The following SDK1 variants were observed in gnomAD, a reference collection of about 807,000 sequenced individuals.
The protein encoded by SDK1 is sidekick cell adhesion molecule 1, also known as protein sidekick-1.
Under a neutral mutation model 245.5 loss-of-function variants are expected in SDK1, and 157 were observed. The ratio of observed to expected loss-of-function variants is 0.64; its 90% CI spans 0.56 to 0.73. The LOEUF (loss-of-function observed/expected upper bound fraction) is 0.73. SDK1 is among the 30% of genes least tolerant of loss of function. The pLI is 0.00. For missense variants in SDK1, 3,583 were observed against 3,002.3 expected, an observed-to-expected ratio of 1.19 and a Z score of -4.52; for synonymous variants, 1,647 against 1,278.5, an observed-to-expected ratio of 1.29 and a Z score of -6.15.
intron 5 of SDK1, among the ~76,000 whole-genome samples, chr7:3,887,409 T>C (rs1781362331): frequency 6.6e-6 from 1 of 152,202 alleles, no homozygotes; most frequent in Non-Finnish European, 1.5e-5. Flanking sequence ...CCGTGGAGTA[T>C]TAGTGAACAT....
intron 35 of SDK1, among the ~76,000 whole-genome samples, chr7:4,185,154 G>A (rs1436467373): frequency 6.6e-6 from 1 of 152,228 alleles, no homozygotes; most frequent in Non-Finnish European, 1.5e-5. Flanking sequence ...ACAGTCAGAA[G>A]AAGGGGACTC....
In SDK1 at chr7:3,541,410, C is replaced by G. The variant is rs547663191; in HGVS notation, c.299-77670C>G. Reference sequence around the variant, plus strand: ...GCTGGTCATTGGGTGGACTTCCATGCCTCTATGCCTTTCTCATGTGTGTTT... The same window carrying G: ...GCTGGTCATTGGGTGGACTTCCATGGCTCTATGCCTTTCTCATGTGTGTTT... On this transcript the variant is annotated intron_variant, in intron 1 of 44. Transcript: ENST00000404826. Among the ~76,000 whole-genome samples, 8 of 152,286 alleles carry G rather than the reference C, an allele frequency of 5.3e-5. No individual in the cohort carries two copies. In the South Asian group the frequency reaches 1.7e-3, roughly 32 times the overall value.
At chr7:3,325,071 A>T (rs933368069) in intron 1 of SDK1, among the ~76,000 whole-genome samples, 1 of 151,862 alleles carries the variant, frequency 6.6e-6, no homozygotes, top group Non-Finnish European at 1.5e-5. Flanking sequence ...AAAGCATCCT[A>T]GGTTCCTTGG....
At chr7:3,321,657 A>C (rs900458815) in intron 1 of SDK1, among the ~76,000 whole-genome samples, 1 of 151,732 alleles carries the variant, frequency 6.6e-6, no homozygotes, top group African/African-American at 2.4e-5. Flanking sequence ...ATTTAATGCA[A>C]TGAATGTGGG....
intron 1 of SDK1, among the ~76,000 whole-genome samples, chr7:3,582,705 A>AAAAAAAAAAAAAAAAAAAAAAAG (rs1780547562): frequency 6.7e-6 from 1 of 148,816 alleles, no homozygotes; most frequent in African/African-American, 2.5e-5. Flanking sequence ...AAAAAAAAAA[A>AAAAAAAAAAAAAAAAAAAAAAAG]AAAAGGTACC....
chr7:3,608,835 C>G (rs1781502221), intron 1 of SDK1, among the ~76,000 whole-genome samples: 1 of 152,196 alleles, frequency 6.6e-6, no homozygotes, highest in Non-Finnish European at 1.5e-5. Flanking sequence ...TTTAGTTTTA[C>G]TAAAGTATTA....
chr7:3,666,240 C>T (rs1363436734), intron 4 of SDK1, among the ~76,000 whole-genome samples: 4 of 152,124 alleles, frequency 2.6e-5, no homozygotes, highest in African/African-American at 7.2e-5. Context: ...GGCCTTGTGC[C>T]GCCTGCATCT....
chr7:4,100,592 G>A (rs555859669), intron 22 of SDK1, among the ~76,000 whole-genome samples: 35 of 152,266 alleles, frequency 2.3e-4, no homozygotes, highest in Admixed American at 7.2e-4. Context: ...CTTCCACCAC[G>A]TGAGGACACA....
chr7:3,340,145 A>G (rs1780308048), intron 1 of SDK1, among the ~76,000 whole-genome samples: 1 of 152,028 alleles, frequency 6.6e-6, no homozygotes, highest in Non-Finnish European at 1.5e-5. Context: ...CTCAAAAACT[A>G]AAACTTAATA....
In SDK1 at chr7:4,146,008, C is replaced by G. The variant is rs142351437; in HGVS notation, c.4423+92C>G. 600 of 1,129,454 alleles carry G rather than the reference C, an allele frequency of 5.3e-4. 1 individual carries two copies. The African/African-American group carries it at 8.4e-3, about 16-fold the overall frequency. 70.0% of individuals were successfully genotyped at this position (1,129,454 alleles called of 1,614,324 possible). On this transcript the variant is annotated intron_variant, in intron 29 of 44. Coordinates refer to ENST00000404826, the MANE Select transcript of SDK1 (RefSeq NM_152744.4). ...TGGGGTCTGCGGGGTACCTGGGAGG[C>G]TTCGGCCTTCCCTTCGGAGAAAGAG...
intron 4 of SDK1, among the ~76,000 whole-genome samples, chr7:3,665,508 C>G (rs1783497049): frequency 6.6e-6 from 1 of 152,158 alleles, no homozygotes; most frequent in Admixed American, 6.5e-5. Flanking sequence ...CATAGCACAC[C>G]ACACATATTG....
intron 1 of SDK1, among the ~76,000 whole-genome samples, chr7:3,312,834 TG>T (rs201163516): frequency 0.013 from 2,005 of 152,260 alleles, 26 homozygotes; most frequent in Non-Finnish European, 0.02. Flanking sequence ...ATAGAATGGC[TG>T]AGAAGTTTTC....
intron 5 of SDK1, among the ~76,000 whole-genome samples, chr7:3,924,139 G>T (rs1471249169): frequency 1.3e-5 from 2 of 151,908 alleles, no homozygotes; most frequent in African/African-American, 4.8e-5. Context: ...AGAGTAAAGG[G>T]GACGCTGTTG....
chr7:3,848,555 C>T (rs557114897), intron 5 of SDK1, among the ~76,000 whole-genome samples: 2 of 152,288 alleles, frequency 1.3e-5, no homozygotes, highest in African/African-American at 2.4e-5. Flanking sequence ...GAAGTTGATT[C>T]CCTTAAAACT....
intron 41 of SDK1, 98 bp from the exon 42 acceptor site, chr7:4,237,549 T>G (rs1376677348): frequency 2.1e-6 from 3 of 1,403,666 alleles, no homozygotes; most frequent in Admixed American, 1.8e-5. Context: ...CTGGGAGTTA[T>G]CTACCCCAGC....
In SDK1 at chr7:3,360,950, A is replaced by G. The variant is rs138226907; in HGVS notation, c.298+59066A>G. Among the ~76,000 whole-genome samples the G allele has an allele frequency of 5.7e-3, 867 of 152,362 alleles. 10 individuals are homozygous for G. The highest frequency in any genetic ancestry group is 0.02 in the African/African-American group (823 of 41,568). ...GATGGGTTATTCAACACGTTTGAAT[A>G]GTAAGGCCTCCAATTGCCATTTATA... On this transcript the variant is annotated intron_variant, in intron 1 of 44. Transcript: ENST00000404826.
At chr7:3,350,052 A>C (rs1780617029) in intron 1 of SDK1, among the ~76,000 whole-genome samples, 1 of 152,222 alleles carries the variant, frequency 6.6e-6, no homozygotes, top group South Asian at 2.1e-4. Context: ...TTTTTAATGT[A>C]GCCCAATAAC....
At chr7:3,430,039 C>T (rs1169530339) in intron 1 of SDK1, among the ~76,000 whole-genome samples, 1 of 152,184 alleles carries the variant, frequency 6.6e-6, no homozygotes, top group Non-Finnish European at 1.5e-5. Flanking sequence ...TTTCAAGTGC[C>T]AACTTGGGAA....
chr7:3,701,028 C>G (rs984417947), intron 4 of SDK1, among the ~76,000 whole-genome samples: 7 of 152,090 alleles, frequency 4.6e-5, no homozygotes, highest in African/African-American at 9.7e-5. Context: ...GGGGAGGAAC[C>G]AGTTGCCGCG....
Sources: allele counts gnomAD v4.1 joint callset (sites outside exome capture counted in the v4.1 genomes callset), GRCh38; gene constraint gnomAD v4.1.1; transcripts MANE v1.5; gene names NCBI Gene and HGNC (gene_info 2026-07-23, HGNC 2026-07-21).